ATXN7: variants seen among roughly 807,000 people sequenced by gnomAD.
ATXN7 encodes ataxin 7, also known as ataxin-7.
A neutral mutation model predicts 70.5 loss-of-function variants in ATXN7; 12 were observed. That is an observed-to-expected ratio of 0.17 (90% CI 0.11 to 0.28). ATXN7 has a LOEUF of 0.28. ATXN7 is among the 10% of genes least tolerant of loss of function. The probability of loss-of-function intolerance (pLI) is 1.00; values close to 1 mark genes in which losing one functional copy is unlikely to be tolerated. For missense variants in ATXN7, 1,256 were observed against 1,131.7 expected (o/e 1.11, Z -1.58); for synonymous variants, 498 against 448.7 (o/e 1.11, Z -1.39).
intron 1 of ATXN7, chr3:63,865,335 A>C (rs1350175758): frequency 6.6e-6 from 1 of 152,198 alleles, no homozygotes; most frequent in Non-Finnish European, 1.5e-5. Context: ...ACAAAGACAA[A>C]AATTACTTTA....
At chr3:63,984,884 C>T (rs1487624062) in intron 8 of ATXN7, among the ~76,000 whole-genome samples, 1 of 152,176 alleles carries the variant, frequency 6.6e-6, no homozygotes, top group African/African-American at 2.4e-5. Flanking sequence ...GGTGTTTAGT[C>T]ATTATGTGAC....
chr3:63,996,006 T>G lies in ATXN7; in HGVS notation c.2184T>G (p.Ser728=). ...CCTCTTCCTCCTCCTCCTCTTCTTC[T>G]CATTCCATGGAGTCTTTTAGGAAAA... The part of the protein sequence containing the change: ...SSSSSSSSSS[S]HSMESFRKNC... Residue 728 remains serine (S), a synonymous_variant, in exon 12 of 13, where the codon TCT becomes TCG. Coordinates refer to ENST00000674280, the MANE Select transcript of ATXN7 (RefSeq NM_001377405.1). 1 of 1,614,196 alleles carries G rather than the reference T, an allele frequency of 6.2e-7. No homozygotes were observed. Among genetic ancestry groups the G allele is most frequent in the Admixed American group, 1.7e-5 (1 of 60,032 alleles).
chr3:63,906,419 A>G (rs1164090858), intron 2 of ATXN7, among the ~76,000 whole-genome samples: 1 of 152,178 alleles, frequency 6.6e-6, no homozygotes, highest in African/African-American at 2.4e-5. Flanking sequence ...TTGCTGACCA[A>G]TTTGGAGACA....
chr3:63,990,047 T>TG (rs1266307188), intron 9 of ATXN7, 129 bp from the exon 10 acceptor site: 1 of 790,602 alleles, frequency 1.3e-6, no homozygotes, highest in East Asian at 2.7e-5. Flanking sequence ...CAGCATCTGT[T>TG]TTCCCCCAGT....
At chr3:63,879,113 C>G (rs575167159) in intron 1 of ATXN7, among the ~76,000 whole-genome samples, 2 of 152,266 alleles carry the variant, frequency 1.3e-5, no homozygotes, top group South Asian at 4.2e-4. Context: ...TTTATCTCAT[C>G]ATCCTCATCT....
chr3:63,982,623 A>AGTGTGTGT (rs71099784), intron 7 of ATXN7, among the ~76,000 whole-genome samples, 178 bp downstream of exon 7: 9,553 of 143,446 alleles, frequency 0.067, 662 homozygotes, highest in African/African-American at 0.17. Flanking sequence ...AAAGAGCATG[A>AGTGTGTGT]GTGTGTGTGT....
At chr3:63,928,317 A>C (rs1352224087) in intron 4 of ATXN7, among the ~76,000 whole-genome samples, 1 of 151,770 alleles carries the variant, frequency 6.6e-6, no homozygotes, top group Non-Finnish European at 1.5e-5. Flanking sequence ...AAACAAAAAA[A>C]CAGCTACTTA....
chr3:63,996,168 G>A lies in ATXN7; in HGVS notation c.2346G>A (p.Gly782=). Residue 782 remains glycine, a synonymous_variant, in exon 12 of 13, where the codon GGG becomes GGA. Transcript: ENST00000674280. ...AGTCAGGGAGGGGCCCCCCCACCGG[G>A]AGCCCTGCTGAATCCATCAAGAGGA... ...HDQSGRGPPT[G]SPAESIKRMS... is the part of the protein sequence containing the mutation. The A allele has an allele frequency of 6.2e-7, 1 of 1,614,164 alleles. No homozygotes were observed. The highest frequency in any genetic ancestry group is 1.1e-5 in the South Asian group (1 of 91,080).
rs770364745 is a variant in ATXN7 at position 63,912,714 on chromosome 3, A to AGCAGCAGCAGCAGCAGCAGCCGCC, written c.118_119insAGCAGCAGCAGCAGCAGCCGCCGC (p.Gln39_Pro40insGlnGlnGlnGlnGlnGlnProPro). 8.2e-7 allele frequency: 1 copy of AGCAGCAGCAGCAGCAGCAGCCGCC among 1,212,586 alleles called. No homozygotes were observed. 75.1% of individuals were successfully genotyped at this position (1,212,586 alleles called of 1,614,324 possible). A position where few individuals can be genotyped will look rare whatever the true frequency, so the allele number is the denominator to read the frequency against. The stretch of plus-strand genomic sequence containing the variant: ...CAGCAGCAGCAGCAGCAGCAGCAGC[A>AGCAGCAGCAGCAGCAGCAGCCGCC]GCCGCCGCCTCCGCAGCCCCAGCGG... On this transcript the variant is annotated inframe_insertion, in exon 3 of 13. Coordinates refer to ENST00000674280, the MANE Select transcript of ATXN7 (RefSeq NM_001377405.1).
intron 4 of ATXN7, among the ~76,000 whole-genome samples, chr3:63,931,752 A>G (rs1322184501): frequency 6.6e-6 from 1 of 152,170 alleles, no homozygotes; most frequent in Non-Finnish European, 1.5e-5. Flanking sequence ...TACTTTAGGA[A>G]AAGAGTTTAC....
intron 1 of ATXN7, among the ~76,000 whole-genome samples, chr3:63,872,192 T>C (rs1409617140): frequency 1.3e-5 from 2 of 152,370 alleles, no homozygotes; most frequent in African/African-American, 4.8e-5. Flanking sequence ...GAGTTTGTTA[T>C]AGGAAACTTT....
In ATXN7 at chr3:63,990,871, T is replaced by C; in HGVS notation, c.1682+12T>C. On this transcript the variant is annotated intron_variant, in intron 11 of 12. Transcript: ENST00000674280. ...GCACAGCTATGGAAGTGAGTGCCTGTTGTTCTTGGGAGAGGAGCTGACTTT... is the reference window on the plus strand; with the variant it reads ...GCACAGCTATGGAAGTGAGTGCCTGCTGTTCTTGGGAGAGGAGCTGACTTT... 1 of 1,614,234 alleles carries C rather than the reference T, an allele frequency of 6.2e-7. No homozygotes were observed. Among genetic ancestry groups the C allele is most frequent in the South Asian group, 1.1e-5 (1 of 91,086 alleles).
intron 4 of ATXN7, among the ~76,000 whole-genome samples, chr3:63,915,706 C>T (rs1468082496): frequency 1.2e-4 from 18 of 147,030 alleles, no homozygotes; most frequent in Non-Finnish European, 2.5e-4. Flanking sequence ...TTTTTTGAGA[C>T]GGTGTCTGAC....
At chr3:63,919,547 A>G (rs890809100) in intron 4 of ATXN7, among the ~76,000 whole-genome samples, 2 of 152,208 alleles carry the variant, frequency 1.3e-5, no homozygotes, top group African/African-American at 4.8e-5. Context: ...GAGAGTAGAA[A>G]TGGTTTCACA....
At chr3:63,927,701 C>G (rs1704772704) in intron 4 of ATXN7, among the ~76,000 whole-genome samples, 1 of 152,166 alleles carries the variant, frequency 6.6e-6, no homozygotes, top group Non-Finnish European at 1.5e-5. Context: ...GTGCTTTTTT[C>G]CAGCCTCTGA....
intron 4 of ATXN7, among the ~76,000 whole-genome samples, chr3:63,951,675 G>GT (rs1441706386): frequency 2.2e-4 from 33 of 152,228 alleles, no homozygotes; most frequent in African/African-American, 7.9e-4. Context: ...GTTACTTTCA[G>GT]TTTTCATGTA....
At chr3:63,872,330 A>G (rs895498203) in intron 1 of ATXN7, among the ~76,000 whole-genome samples, 3 of 152,246 alleles carry the variant, frequency 2.0e-5, no homozygotes, top group Non-Finnish European at 2.9e-5. Flanking sequence ...TTATTTGCTC[A>G]TAATTAGGGC....
At chr3:63,979,881 CATG>C in intron 5 of ATXN7, 31 bp from the exon 6 acceptor site, 2 of 1,610,354 alleles carry the variant, frequency 1.2e-6, no homozygotes, top group Middle Eastern at 1.7e-4. Context: ...TCGCCTAAAA[CATG>C]ATGTCTTTTT....
chr3:63,877,469 A>C (rs1426396262), intron 1 of ATXN7, among the ~76,000 whole-genome samples: 1 of 152,240 alleles, frequency 6.6e-6, no homozygotes, highest in Admixed American at 6.5e-5. Context: ...TGTTAATCCT[A>C]CTGCTTGTCA....
Sources: allele counts gnomAD v4.1 joint callset (sites outside exome capture counted in the v4.1 genomes callset), GRCh38; gene constraint gnomAD v4.1.1; transcripts MANE v1.5; gene names NCBI Gene and HGNC (gene_info 2026-07-23, HGNC 2026-07-21).